The following HTR2C variants were observed in gnomAD, a reference collection of about 807,000 sequenced individuals.
HTR2C encodes the protein 5-hydroxytryptamine receptor 2C, also known as 5-hydroxytryptamine (serotonin) receptor 2C, G protein-coupled.
HTR2C carries 5 observed loss-of-function variants against 21.0 expected under a neutral mutation model. The ratio of observed to expected loss-of-function variants is 0.24; its 90% CI spans 0.12 to 0.50. The LOEUF is 0.50. HTR2C is among the 20% of genes least tolerant of loss of function. The pLI is 0.98. For synonymous variants in HTR2C, 150 were observed against 145.3 expected (o/e 1.03, Z -0.23); for missense variants, 271 against 371.2 (o/e 0.73, Z 2.22).
chrX:114,652,835 A>G, intron 2 of HTR2C: 1 of 220,256 alleles, frequency 4.5e-6, no homozygotes, highest in Non-Finnish European at 9.5e-6. Context: ...ATAAGAATTA[A>G]AGAATTGGAA....
chrX:114,749,154 A>G (rs1182541002), intron 4 of HTR2C, among the ~76,000 whole-genome samples: 1 of 110,475 alleles, frequency 9.1e-6, no homozygotes, highest in Non-Finnish European at 1.9e-5. Flanking sequence ...AACAACAACA[A>G]CAACAAACCA....
intron 2 of HTR2C, among the ~76,000 whole-genome samples, chrX:114,699,654 T>C (rs1556416363): frequency 8.9e-6 from 1 of 112,237 alleles, no homozygotes; most frequent in African/African-American, 3.2e-5. Flanking sequence ...ATGTGAGCTT[T>C]TCCTCAGAGA....
intron 2 of HTR2C, among the ~76,000 whole-genome samples, chrX:114,707,275 G>C (rs1440334427): frequency 9.0e-6 from 1 of 111,053 alleles, no homozygotes; most frequent in Non-Finnish European, 1.9e-5. Flanking sequence ...ATTAAATCAG[G>C]CTGGGCATGG....
At chrX:114,690,154 A>G (rs1269936982) in intron 2 of HTR2C, among the ~76,000 whole-genome samples, 1 of 111,473 alleles carries the variant, frequency 9.0e-6, no homozygotes, top group Non-Finnish European at 1.9e-5. Context: ...CACCCCAGAA[A>G]GTCAGCCTTT....
intron 4 of HTR2C, 115 bp from the exon 5 acceptor site, chrX:114,847,887 AT>A (rs2070886500): frequency 1.9e-6 from 1 of 528,452 alleles, no homozygotes; most frequent in South Asian, 3.5e-5. Context: ...TGCTTCCTAA[AT>A]TTCACTTTCT....
intron 4 of HTR2C, among the ~76,000 whole-genome samples, chrX:114,817,809 AAAAAC>A (rs1556455044): frequency 9.0e-6 from 1 of 111,500 alleles, no homozygotes; most frequent in Admixed American, 9.7e-5. Context: ...AAAACTACCA[AAAAAC>A]AAAAATGGGA....
chrX:114,724,879 A>G (rs1478826346), intron 2 of HTR2C, among the ~76,000 whole-genome samples: 2 of 103,118 alleles, frequency 1.9e-5, no homozygotes, highest in Non-Finnish European at 4.0e-5. Context: ...TTCTGCCGAG[A>G]GATCAGCTGT....
chrX:114,892,907 T>C (rs1556483084), intron 5 of HTR2C, among the ~76,000 whole-genome samples: 1 of 106,309 alleles, frequency 9.4e-6, no homozygotes, highest in Non-Finnish European at 1.9e-5. Context: ...TATTTATTTT[T>C]ATTTTTATTT....
At chrX:114,761,888 T>TGTGTATATATAC (rs2069873146) in intron 4 of HTR2C, among the ~76,000 whole-genome samples, 1 of 12,283 alleles carries the variant, frequency 8.1e-5, no homozygotes, top group Non-Finnish European at 3.1e-4. Flanking sequence ...TATATATATA[T>TGTGTATATATAC]GTGTATATAT....
chrX:114,673,165 C>T (rs781917938), intron 2 of HTR2C, among the ~76,000 whole-genome samples: 2 of 112,200 alleles, frequency 1.8e-5, no homozygotes, highest in Non-Finnish European at 3.8e-5. Flanking sequence ...GTAATACACT[C>T]TGTCTCACTT....
At chrX:114,622,129 C>T (rs920261515) in intron 2 of HTR2C, among the ~76,000 whole-genome samples, 2 of 111,539 alleles carry the variant, frequency 1.8e-5, no homozygotes, top group Non-Finnish European at 3.8e-5. Context: ...ATCACATAGC[C>T]GGACAGAGCA....
At chrX:114,819,708 T>C (rs1313991600) in intron 4 of HTR2C, among the ~76,000 whole-genome samples, 3 of 112,475 alleles carry the variant, frequency 2.7e-5, no homozygotes, top group African/African-American at 9.7e-5. Context: ...ATGAAATCAG[T>C]CTCTTGTCCA....
At chrX:114,807,510 C>CAT (rs1176000172) in intron 4 of HTR2C, among the ~76,000 whole-genome samples, 1,156 of 40,686 alleles carry the variant, frequency 0.028, 28 homozygotes, top group African/African-American at 0.072. Flanking sequence ...ATATATACAC[C>CAT]ATATATATAT....
intron 2 of HTR2C, among the ~76,000 whole-genome samples, chrX:114,634,563 A>G (rs901584687): frequency 2.2e-4 from 25 of 111,323 alleles, no homozygotes; most frequent in Middle Eastern, 4.3e-3. Flanking sequence ...TAATCCCAGC[A>G]CTTCAGGAGG....
chrX:114,801,708 T>A (rs2070348084), intron 4 of HTR2C, among the ~76,000 whole-genome samples: 1 of 111,219 alleles, frequency 9.0e-6, no homozygotes, highest in African/African-American at 3.3e-5. Context: ...GATGTGTTCG[T>A]TTATGGGGTG....
intron 4 of HTR2C, among the ~76,000 whole-genome samples, chrX:114,739,472 C>G (rs1556425023): frequency 9.0e-6 from 1 of 110,953 alleles, no homozygotes; most frequent in Non-Finnish European, 1.9e-5. Flanking sequence ...ATTAATATAC[C>G]CAAATAACCA....
At chrX:114,709,043 C>T (rs1045060749) in intron 2 of HTR2C, among the ~76,000 whole-genome samples, 5 of 111,497 alleles carry the variant, frequency 4.5e-5, no homozygotes, top group Non-Finnish European at 9.4e-5. Flanking sequence ...CATAGTAAGC[C>T]ACAGCTAAAA....
intron 4 of HTR2C, among the ~76,000 whole-genome samples, chrX:114,774,354 G>A (rs1412984195): frequency 9.0e-6 from 1 of 111,512 alleles, no homozygotes; most frequent in Non-Finnish European, 1.9e-5. Context: ...CTATAATAAA[G>A]TAAATGGGAT....
intron 2 of HTR2C, among the ~76,000 whole-genome samples, chrX:114,647,430 A>G (rs2147831414): frequency 8.9e-6 from 1 of 111,982 alleles, no homozygotes; most frequent in East Asian, 2.8e-4. Flanking sequence ...ATTTTCCAGC[A>G]TGAAAAATGG....
Sources: gnomAD v4.1 joint callset for allele counts (sites outside exome capture counted in the v4.1 genomes callset) on GRCh38, gnomAD v4.1.1 for gene constraint, MANE v1.5 for transcripts, NCBI Gene and HGNC (gene_info 2026-07-23, HGNC 2026-07-21) for gene names.